The following CEP295 variants were observed in gnomAD, a reference collection of about 807,000 sequenced individuals.
CEP295 encodes the protein centrosomal protein of 295 kDa.
A neutral mutation model predicts 291.6 loss-of-function variants in CEP295; 190 were observed. The ratio of observed to expected loss-of-function variants is 0.65; its 90% CI spans 0.58 to 0.73. The LOEUF is 0.73. Among genes scored for constraint, CEP295 ranks in the 30% least tolerant of loss-of-function variants. The probability of loss-of-function intolerance (pLI) is 0.00; values close to 1 mark genes in which losing one functional copy is unlikely to be tolerated. For missense variants in CEP295, 2,863 were observed against 2,949.4 expected, an observed-to-expected ratio of 0.97 and a Z score of 0.68; for synonymous variants, 993 against 1,038.8, an observed-to-expected ratio of 0.96 and a Z score of 0.85.
chr11:93,712,674 T>C (rs575347905), intron 18 of CEP295, among the ~76,000 whole-genome samples: 1 of 152,352 alleles, frequency 6.6e-6, no homozygotes, highest in South Asian at 2.1e-4. Flanking sequence ...GTATTTCTTG[T>C]AGGTAACAGA....
chr11:93,696,665 G>A lies in CEP295; in HGVS notation c.1770-17G>A. On this transcript the variant is annotated splice_polypyrimidine_tract_variant and intron_variant, in intron 14 of 29. Transcript: ENST00000325212. ...TTTCATTAAAAAACAATAATTGTTTGCTTTTGTTTTTGGTAGGTTACACAG... is the reference window on the plus strand; with the variant it reads ...TTTCATTAAAAAACAATAATTGTTTACTTTTGTTTTTGGTAGGTTACACAG... The A allele has an allele frequency of 6.6e-7, 1 of 1,505,974 alleles. No individual in the cohort carries two copies. Among genetic ancestry groups the A allele is most frequent in the Non-Finnish European group, 8.9e-7 (1 of 1,128,796 alleles). The allele number at this position is 1,505,974 out of a possible 1,614,324, so 93.3% of individuals were successfully genotyped here. A position where few individuals can be genotyped will look rare whatever the true frequency, so the allele number is the denominator to read the frequency against.
In CEP295 at chr11:93,679,569, A is replaced by C; in HGVS notation, c.765+17A>C. The C allele has an allele frequency of 6.5e-7, 1 of 1,547,468 alleles. No individual in the cohort carries two copies. Among genetic ancestry groups the C allele is most frequent in the Non-Finnish European group, 8.7e-7 (1 of 1,144,810 alleles). ...TTGGCTCAAGTAAGACTTATATTCT[A>C]CCCATGACCATTACTCATGGACTTA... is the stretch of plus-strand genomic sequence containing the variant. On this transcript the variant is annotated intron_variant, in intron 7 of 29. Transcript: ENST00000325212.
intron 12 of CEP295, among the ~76,000 whole-genome samples, chr11:93,694,422 A>G (rs535747917): frequency 1.3e-5 from 2 of 152,304 alleles, no homozygotes; most frequent in East Asian, 3.9e-4. Context: ...CTTTTACCAT[A>G]GATCTTAGCA....
chr11:93,679,303 CTTATATT>C (rs1565439918), intron 6 of CEP295, 102 bp from the exon 7 acceptor site: 1 of 903,784 alleles, frequency 1.1e-6, no homozygotes, highest in East Asian at 2.7e-5. Flanking sequence ...TATAACTCTT[CTTATATT>C]TTATATATGT....
At position 93,725,660 on chromosome 11, in the gene CEP295, T is replaced by G. The variant is rs922375127; in HGVS notation, c.6328T>G (p.Ser2110Ala). ...DNRDFYQRSD[S>A]SSESHCATGL... ...TTTTGTTTCCTGCCAGAGATCAGAT[T>G]CTTCATCTGAAAGCCACTGTGCTAC... The change falls in exon 23 of 30, where the codon TCT becomes GCT. Residue 2110 changes from serine (S) to alanine (A), a missense_variant. Ser to Ala is a moderately conservative substitution (Grantham distance 99). Transcript: ENST00000325212. 8 of 1,538,980 alleles carry G rather than the reference T, an allele frequency of 5.2e-6. No homozygotes were observed. The highest frequency in any genetic ancestry group is 7.0e-6 in the Non-Finnish European group (8 of 1,143,440).
At chr11:93,690,833 A>G (rs1374926849) in intron 10 of CEP295, among the ~76,000 whole-genome samples, 1 of 151,408 alleles carries the variant, frequency 6.6e-6, no homozygotes, top group Non-Finnish European at 1.5e-5. Context: ...AACCATGCAC[A>G]CTGATCTCTC....
chr11:93,702,574 G>A lies in CEP295; in HGVS notation c.5389G>A (p.Ala1797Thr), dbSNP rs1952237591. The A allele has an allele frequency of 6.4e-7, 1 of 1,551,368 alleles. No homozygotes were observed. The highest frequency in any genetic ancestry group is 8.7e-7 in the Non-Finnish European group (1 of 1,146,858). The stretch of plus-strand genomic sequence containing the variant: ...AAATGATCAAGAAAATATTAGGCAT[G>A]CAGATAGGAACAACTCTGATGATAA... ...AGNDQENIRH[A>T]DRNNSDDNHL... The change falls in exon 16 of 30, where the codon GCA becomes ACA. Residue 1797 changes from alanine (A) to threonine (T), a missense_variant. Around this residue, in one of 3 missense-constraint regions of CEP295, gnomAD observed 2,295 missense variants for 2,335.7 expected, o/e 0.98. Transcript: ENST00000325212.
In CEP295 at chr11:93,722,999, C is replaced by T. The variant is rs769030658; in HGVS notation, c.5948-42C>T. 2.6e-5 allele frequency: 39 copies of T among 1,525,428 alleles called. No homozygotes were observed. In the Middle Eastern group the frequency reaches 6.8e-4, roughly 27 times the overall value. The allele number at this position is 1,525,428 out of a possible 1,614,324, so 94.5% of individuals were successfully genotyped here. A position where few individuals can be genotyped will look rare whatever the true frequency, so the allele number is the denominator to read the frequency against. On this transcript the variant is annotated intron_variant, in intron 20 of 29. Transcript: ENST00000325212. ...CTGGTATTACAGGCGTGAGCCATCA[C>T]GCCTGGCCTATTTACATATTTTCAT...
chr11:93,682,533 T>A (rs1343567498), intron 7 of CEP295, among the ~76,000 whole-genome samples: 1 of 152,130 alleles, frequency 6.6e-6, no homozygotes, highest in Non-Finnish European at 1.5e-5. Context: ...CCATTACCAT[T>A]TTTTTAATGC....
intron 3 of CEP295, among the ~76,000 whole-genome samples, chr11:93,668,190 C>T (rs1213954233): frequency 6.6e-6 from 1 of 152,102 alleles, no homozygotes. Flanking sequence ...CAGAAAGTCA[C>T]AGTAAGTCTG....
rs993150251 is a variant in CEP295, at chr11:93,698,241, T to A, written c.3329T>A (p.Val1110Asp). The A allele has an allele frequency of 6.4e-7, 1 of 1,551,716 alleles. No individual in the cohort carries two copies. Among genetic ancestry groups the A allele is most frequent in the African/African-American group, 1.4e-5 (1 of 73,038 alleles). The change falls in exon 15 of 30, where the codon GTT becomes GAT. Residue 1110 changes from valine (V) to aspartate (D), a missense_variant. This residue lies in a region of CEP295 where 2,295 missense variants were observed against 2,335.7 expected (regional missense o/e 0.98). Coordinates refer to ENST00000325212, the MANE Select transcript of CEP295 (RefSeq NM_033395.2). The part of the protein sequence containing the change: ...SSSPVVVQHS[V>D]ASQASAKAEP... ...TCACCAGTGGTTGTTCAGCATTCAG[T>A]TGCTTCACAAGCTTCTGCTAAAGCT...
rs374528208 is a variant in CEP295, at chr11:93,687,774, G to A, written c.1245G>A (p.Thr415=). 4.6e-5 allele frequency: 71 copies of A among 1,551,238 alleles called. No individual in the cohort carries two copies. The highest frequency in any genetic ancestry group is 1.7e-4 in the Middle Eastern group (1 of 5,990). The change falls in exon 10 of 30, where the codon ACG becomes ACA. Residue 415 remains threonine (T), a synonymous_variant. Coordinates refer to ENST00000325212, the MANE Select transcript of CEP295 (RefSeq NM_033395.2). ...CTGAGGATGAAAGTGAAATGATTACGACTGTTAGTGAAATTGAGAGTAAAG... is the reference window on the plus strand; with the variant it reads ...CTGAGGATGAAAGTGAAATGATTACAACTGTTAGTGAAATTGAGAGTAAAG... The part of the protein sequence containing the change: ...SMSEDESEMI[T]TVSEIESKAP...
At position 93,698,023 on chromosome 11, in the gene CEP295, C is replaced by T. The variant is rs1449689355; in HGVS notation, c.3111C>T (p.Pro1037=). ...KGLVSCQSDI[P]ISQDGSLSFL... is the part of the protein sequence containing the mutation. ...TTGTTTCATGCCAATCTGACATCCC[C>T]ATATCTCAGGATGGGTCTTTGAGTT... Residue 1037 remains proline (P), a synonymous_variant, in exon 15 of 30, where the codon CCC becomes CCT. Coordinates refer to ENST00000325212, the MANE Select transcript of CEP295 (RefSeq NM_033395.2). 5 of 1,551,618 alleles carry T rather than the reference C, an allele frequency of 3.2e-6. No homozygotes were observed. The African/African-American group carries it at 4.1e-5, about 13-fold the overall frequency.
intron 12 of CEP295, among the ~76,000 whole-genome samples, chr11:93,695,105 C>G (rs1951784998): frequency 6.6e-6 from 1 of 152,106 alleles, no homozygotes; most frequent in Admixed American, 6.5e-5. Flanking sequence ...TTTTAGGAGG[C>G]CTTGATATTT....
chr11:93,686,234 G>T (rs949925743), intron 9 of CEP295, among the ~76,000 whole-genome samples: 5 of 151,642 alleles, frequency 3.3e-5, no homozygotes, highest in African/African-American at 1.2e-4. Flanking sequence ...CAGGATAATC[G>T]CTTGAACCTG....
intron 22 of CEP295, 112 bp downstream of exon 22, chr11:93,724,487 C>A: frequency 9.1e-7 from 1 of 1,096,532 alleles, no homozygotes; most frequent in Non-Finnish European, 1.3e-6. Context: ...ACATGGAAGT[C>A]TGGGCACAGT....
At chr11:93,718,645 T>C (rs891911524) in intron 18 of CEP295, among the ~76,000 whole-genome samples, 1 of 152,256 alleles carries the variant, frequency 6.6e-6, no homozygotes, top group African/African-American at 2.4e-5. Context: ...AGTAAATAAT[T>C]GTAATTATTA....
Position 93,727,063 on chromosome 11 carries a change from T to G in CEP295, c.6587T>G (p.Ile2196Ser), listed in dbSNP as rs765030947. ...QHADLPSIFS[I>S]EARDSSQGMK... is the part of the protein sequence containing the mutation. The stretch of plus-strand genomic sequence containing the variant: ...GCTGATCTACCAAGTATTTTTAGCA[T>G]TGAAGCAAGAGATTCTTCCCAAGGC... Residue 2196 changes from isoleucine to serine, a missense_variant, in exon 24 of 30, where the codon ATT becomes AGT. Physicochemically the swap from Ile to Ser is moderately radical, Grantham distance 142 (BLOSUM62 -2). Around this residue, in one of 3 missense-constraint regions of CEP295, gnomAD observed 2,295 missense variants for 2,335.7 expected, o/e 0.98. Coordinates refer to ENST00000325212, the MANE Select transcript of CEP295 (RefSeq NM_033395.2). 6.4e-7 allele frequency: 1 copy of G among 1,551,800 alleles called. No individual in the cohort carries two copies. The highest frequency in any genetic ancestry group is 8.7e-7 in the Non-Finnish European group (1 of 1,146,852).
In CEP295 at chr11:93,666,714, A is replaced by G; in HGVS notation, c.7A>G (p.Arg3Gly). Reference sequence around the variant, plus strand: ...ATACATAAAGTACACAGAAATGAAGAGAAAAGTCGTGAATACTCACAAGCT... The same window carrying G: ...ATACATAAAGTACACAGAAATGAAGGGAAAAGTCGTGAATACTCACAAGCT... MKRKVVNTHKLRL... is the reference protein window; with the variant it reads MKGKVVNTHKLRL... Residue 3 changes from arginine (R) to glycine (G), a missense_variant, in exon 2 of 30, where the codon AGA (arginine) becomes GGA (glycine). Arg to Gly is a moderately radical substitution (Grantham distance 125). Transcript: ENST00000325212. 6.6e-7 allele frequency: 1 copy of G among 1,515,364 alleles called. No homozygotes were observed. The highest frequency in any genetic ancestry group is 8.9e-7 in the Non-Finnish European group (1 of 1,117,870). The allele number at this position is 1,515,364 out of a possible 1,614,324, so 93.9% of individuals were successfully genotyped here.
Sources: allele counts gnomAD v4.1 joint callset (sites outside exome capture counted in the v4.1 genomes callset), GRCh38; gene constraint gnomAD v4.1.1; regional missense constraint gnomAD v4.1.1; transcripts MANE v1.5; gene names NCBI Gene and HGNC (gene_info 2026-07-23, HGNC 2026-07-21).